Variants in ARHGAP15 observed in about 807,000 individuals in gnomAD.
The protein encoded by ARHGAP15 is rho GTPase-activating protein 15.
ARHGAP15 carries 51 observed loss-of-function variants against 63.7 expected under a neutral mutation model. The observed-to-expected ratio is 0.80, with a 90% confidence interval of 0.64 to 1.01. The LOEUF is 1.01. Ranked by LOEUF, ARHGAP15 falls within the 50% of genes least tolerant of loss-of-function variation. The pLI is 0.00. For missense variants in ARHGAP15, 560 were observed against 564.6 expected (o/e 0.99, Z 0.08); for synonymous variants, 191 against 193.8 (o/e 0.99, Z 0.12).
At chr2:143,202,279 C>A in intron 3 of ARHGAP15, 77 bp downstream of exon 3, 2 of 1,184,206 alleles carry the variant, frequency 1.7e-6, no homozygotes, top group Non-Finnish European at 2.5e-6. Context: ...CTTAGAACAG[C>A]TTAAGTTATT....
chr2:143,214,041 T>C (rs1424373912), intron 3 of ARHGAP15, among the ~76,000 whole-genome samples: 2 of 152,222 alleles, frequency 1.3e-5, no homozygotes, highest in Non-Finnish European at 2.9e-5. Flanking sequence ...ATAAGAGTAT[T>C]AGCTTTTTCC....
At chr2:143,764,978 T>C (rs745894842) in intron 13 of ARHGAP15, among the ~76,000 whole-genome samples, 2 of 152,200 alleles carry the variant, frequency 1.3e-5, no homozygotes, top group African/African-American at 2.4e-5. Flanking sequence ...CTCTGAGCCC[T>C]GTTCTCTGCT....
chr2:143,402,462 AG>A (rs144874287), intron 6 of ARHGAP15, among the ~76,000 whole-genome samples: 4,503 of 151,794 alleles, frequency 0.03, 231 homozygotes, highest in African/African-American at 0.1. Context: ...ATGGCTTATT[AG>A]TGACAGAGAA....
At chr2:143,279,573 A>G (rs190313610) in intron 6 of ARHGAP15, among the ~76,000 whole-genome samples, 3 of 152,256 alleles carry the variant, frequency 2.0e-5, no homozygotes, top group Admixed American at 2.0e-4. Context: ...CTTGTTAAAT[A>G]GTTTATATTT....
At position 143,379,499 on chromosome 2, in the gene ARHGAP15, G is replaced by A. The variant is rs879889479; in HGVS notation, c.475-56102G>A. Among the ~76,000 whole-genome samples, 1,455 of 148,488 alleles carry A rather than the reference G, an allele frequency of 9.8e-3. 24 individuals are homozygous for A. The highest frequency in any genetic ancestry group is 0.028 in the African/African-American group (1,133 of 40,456). On this transcript the variant is annotated intron_variant, in intron 6 of 13. Transcript: ENST00000295095. ...TTTAGGCATATATATGTGTGTGTGTGTGTGTGTGTGTGTGTGTGTGTGTGT... is the reference window on the plus strand; with the variant it reads ...TTTAGGCATATATATGTGTGTGTGTATGTGTGTGTGTGTGTGTGTGTGTGT...
At chr2:143,511,725 T>C (rs1384820093) in intron 9 of ARHGAP15, among the ~76,000 whole-genome samples, 1 of 152,204 alleles carries the variant, frequency 6.6e-6, no homozygotes, top group African/African-American at 2.4e-5. Context: ...TTTTTTATAC[T>C]ATTTTAAGAT....
intron 10 of ARHGAP15, among the ~76,000 whole-genome samples, chr2:143,523,558 A>G (rs934626055): frequency 6.6e-6 from 1 of 152,114 alleles, no homozygotes. Context: ...AATAATACCA[A>G]ACATGCATTT....
intron 9 of ARHGAP15, among the ~76,000 whole-genome samples, chr2:143,498,822 C>T (rs1237517995): frequency 6.6e-6 from 1 of 152,120 alleles, no homozygotes; most frequent in African/African-American, 2.4e-5. Context: ...GTATTTCTAG[C>T]AACCATATTT....
At chr2:143,728,664 A>G (rs1407015591) in intron 13 of ARHGAP15, among the ~76,000 whole-genome samples, 2 of 152,156 alleles carry the variant, frequency 1.3e-5, no homozygotes, top group Non-Finnish European at 2.9e-5. Flanking sequence ...GACTCTTCTC[A>G]TACCTTCTTG....
chr2:143,569,443 C>G (rs551372366), intron 11 of ARHGAP15, among the ~76,000 whole-genome samples: 2 of 152,200 alleles, frequency 1.3e-5, no homozygotes, highest in East Asian at 1.9e-4. Flanking sequence ...GAGAAGGTCT[C>G]TTTGAGGAGG....
chr2:143,510,380 A>G (rs1693526303), intron 9 of ARHGAP15, among the ~76,000 whole-genome samples: 1 of 152,200 alleles, frequency 6.6e-6, no homozygotes. Context: ...AGCATCATCT[A>G]GAGAAACTTC....
chr2:143,640,937 C>T (rs1425276028), intron 12 of ARHGAP15: 1 of 152,116 alleles, frequency 6.6e-6, no homozygotes, highest in East Asian at 1.9e-4. Flanking sequence ...ATGTCAGTGG[C>T]ATCAGGGCCA....
chr2:143,678,751 T>G (rs1447469689), intron 12 of ARHGAP15, among the ~76,000 whole-genome samples: 1 of 152,350 alleles, frequency 6.6e-6, no homozygotes, highest in East Asian at 1.9e-4. Context: ...TTTTGGGGAT[T>G]GGAAAGAGAT....
chr2:143,452,773 G>C (rs539577023), intron 8 of ARHGAP15, among the ~76,000 whole-genome samples: 2 of 151,406 alleles, frequency 1.3e-5, no homozygotes, highest in South Asian at 4.2e-4. Flanking sequence ...TCTGACAAAG[G>C]TTCTGTCTGT....
intron 6 of ARHGAP15, among the ~76,000 whole-genome samples, chr2:143,385,318 G>A (rs1009779431): frequency 3.9e-5 from 6 of 152,136 alleles, no homozygotes; most frequent in South Asian, 2.1e-4. Flanking sequence ...CTAAAAAAAG[G>A]TCAACCGAAG....
At chr2:143,495,888 G>A (rs1423592173) in intron 9 of ARHGAP15, among the ~76,000 whole-genome samples, 3 of 152,158 alleles carry the variant, frequency 2.0e-5, no homozygotes, top group Non-Finnish European at 2.9e-5. Flanking sequence ...AATTATACTT[G>A]AATTTATATA....
chr2:143,727,097 C>T (rs1294856735), intron 13 of ARHGAP15, among the ~76,000 whole-genome samples: 1 of 152,178 alleles, frequency 6.6e-6, no homozygotes, highest in Non-Finnish European at 1.5e-5. Flanking sequence ...TGCCTTCCAA[C>T]TCCACTGAGG....
intron 12 of ARHGAP15, among the ~76,000 whole-genome samples, chr2:143,678,827 G>A (rs1345555467): frequency 6.6e-6 from 1 of 152,044 alleles, no homozygotes; most frequent in East Asian, 1.9e-4. Context: ...CAGTAGTATC[G>A]ATGTTAATTA....
chr2:143,443,813 C>G (rs1289190769), intron 8 of ARHGAP15, among the ~76,000 whole-genome samples: 1 of 152,114 alleles, frequency 6.6e-6, no homozygotes, highest in Non-Finnish European at 1.5e-5. Flanking sequence ...TTCACTATGG[C>G]CCTGTGTGAC....
Sources: gnomAD v4.1 joint callset for allele counts (sites outside exome capture counted in the v4.1 genomes callset) on GRCh38, gnomAD v4.1.1 for gene constraint, MANE v1.5 for transcripts, NCBI Gene and HGNC (gene_info 2026-07-23, HGNC 2026-07-21) for gene names.